Variants in RARB observed in about 807,000 individuals in gnomAD.
The protein encoded by RARB is HBV-activated protein.
Under a neutral mutation model 51.9 loss-of-function variants are expected in RARB, and 17 were observed. The ratio of observed to expected loss-of-function variants is 0.33; its 90% CI spans 0.22 to 0.49. The LOEUF is 0.49. Ranked by LOEUF, RARB falls within the 20% of genes least tolerant of loss-of-function variation. RARB has a pLI of 0.99. For missense variants in RARB, 369 were observed against 550.8 expected, an observed-to-expected ratio of 0.67 and a Z score of 3.30; for synonymous variants, 215 against 195.4, an observed-to-expected ratio of 1.10 and a Z score of -0.84.
At chr3:25,294,066 C>G (rs190696815) in intron 5 of RARB, among the ~76,000 whole-genome samples, 13 of 152,196 alleles carry the variant, frequency 8.5e-5, no homozygotes, top group South Asian at 4.1e-4. Flanking sequence ...AAGGATTCAC[C>G]GAGGAAAATG....
intron 3 of RARB, among the ~76,000 whole-genome samples, chr3:25,548,046 A>G (rs1359403049): frequency 6.6e-5 from 10 of 151,558 alleles, no homozygotes; most frequent in Non-Finnish European, 1.0e-4. Context: ...CTTGAGTGAC[A>G]TAAATCTGTG....
chr3:25,147,158 G>A (rs1326246356), intron 4 of RARB, among the ~76,000 whole-genome samples: 1 of 152,126 alleles, frequency 6.6e-6, no homozygotes, highest in Non-Finnish European at 1.5e-5. Flanking sequence ...GGTATTTTCT[G>A]AAAATTTTGA....
intron 2 of RARB, among the ~76,000 whole-genome samples, chr3:24,945,067 C>T (rs1695745047): frequency 6.6e-6 from 1 of 152,128 alleles, no homozygotes; most frequent in Non-Finnish European, 1.5e-5. Flanking sequence ...TTTTGGGAAA[C>T]AGTGATATAG....
intron 3 of RARB, among the ~76,000 whole-genome samples, chr3:25,548,101 C>CTTTT (rs66817079): frequency 2.4e-5 from 3 of 126,298 alleles, no homozygotes; most frequent in African/African-American, 8.9e-5. Flanking sequence ...ATTCATTTGG[C>CTTTT]TTTTTTTTTT....
At chr3:25,199,058 A>T (rs1031033629) in intron 5 of RARB, among the ~76,000 whole-genome samples, 3 of 152,146 alleles carry the variant, frequency 2.0e-5, no homozygotes, top group African/African-American at 7.2e-5. Context: ...CCATCAGCAG[A>T]TGAATGGATA....
chr3:24,981,292 G>A (rs1696665865), intron 2 of RARB, among the ~76,000 whole-genome samples: 1 of 152,166 alleles, frequency 6.6e-6, no homozygotes, highest in Non-Finnish European at 1.5e-5. Flanking sequence ...GAGAACCACT[G>A]CTCTCTTCAG....
chr3:24,983,794 C>T (rs1051786390), intron 2 of RARB, among the ~76,000 whole-genome samples: 7 of 151,362 alleles, frequency 4.6e-5, no homozygotes, highest in African/African-American at 9.7e-5. Context: ...TGGAAGGGGG[C>T]GATAAGCTTA....
intron 5 of RARB, among the ~76,000 whole-genome samples, chr3:25,350,518 C>T (rs941420374): frequency 4.6e-5 from 7 of 152,196 alleles, no homozygotes; most frequent in Non-Finnish European, 1.0e-4. Context: ...TACTTTATCT[C>T]CCCTTATCCT....
chr3:25,047,910 A>G (rs1437181316), intron 2 of RARB, among the ~76,000 whole-genome samples: 1 of 152,182 alleles, frequency 6.6e-6, no homozygotes, highest in Non-Finnish European at 1.5e-5. Flanking sequence ...AGGACAAAGT[A>G]GAGATAATTG....
intron 3 of RARB, among the ~76,000 whole-genome samples, chr3:25,086,525 A>G (rs1022586807): frequency 5.3e-5 from 8 of 152,212 alleles, no homozygotes; most frequent in Admixed American, 3.9e-4. Flanking sequence ...TTTGAGCCAA[A>G]TATGAGTGAC....
chr3:25,284,287 T>C (rs1224591415), intron 5 of RARB, among the ~76,000 whole-genome samples: 2 of 152,074 alleles, frequency 1.3e-5, no homozygotes, highest in African/African-American at 4.8e-5. Context: ...GACTACAACC[T>C]GTAAGAGACC....
At chr3:25,455,274 T>G (rs1038355445) in intron 1 of RARB, among the ~76,000 whole-genome samples, 2 of 152,222 alleles carry the variant, frequency 1.3e-5, no homozygotes, top group Non-Finnish European at 2.9e-5. Flanking sequence ...CCTTAACTCC[T>G]ATTTCCTGGA....
At position 25,082,706 on chromosome 3, in the gene RARB, C is replaced by T. The variant is rs569624371; in HGVS notation, c.-328+22530C>T. Among the ~76,000 whole-genome samples, 10 of 152,094 alleles carry T rather than the reference C, an allele frequency of 6.6e-5. No individual in the cohort carries two copies. The South Asian group carries it at 1.0e-3, about 16-fold the overall frequency. ...AAGCAAAAAATATTGCTTATGATTACCCACATGTTCATCTTTTCTTGAGCT... is the reference window on the plus strand; with the variant it reads ...AAGCAAAAAATATTGCTTATGATTATCCACATGTTCATCTTTTCTTGAGCT... On this transcript the variant is annotated intron_variant, in intron 3 of 11. Coordinates refer to the RARB transcript ENST00000383772.
chr3:24,967,863 G>C (rs540631854), intron 2 of RARB, among the ~76,000 whole-genome samples: 27 of 152,254 alleles, frequency 1.8e-4, no homozygotes, highest in Non-Finnish European at 3.1e-4. Context: ...GTGAACATGT[G>C]GTTGAATGAC....
At chr3:25,364,489 C>T (rs1222166094) in intron 5 of RARB, among the ~76,000 whole-genome samples, 3 of 152,200 alleles carry the variant, frequency 2.0e-5, no homozygotes, top group African/African-American at 7.2e-5. Context: ...TAAGATTCAT[C>T]ATCCAAGGAC....
chr3:25,328,892 G>A (rs539150300), intron 5 of RARB, among the ~76,000 whole-genome samples: 47 of 152,272 alleles, frequency 3.1e-4, no homozygotes, highest in South Asian at 2.7e-3. Flanking sequence ...TGCCTGGCTC[G>A]GAGGGTCCCA....
intron 5 of RARB, among the ~76,000 whole-genome samples, chr3:25,243,857 A>G (rs922409210): frequency 2.0e-5 from 3 of 151,978 alleles, no homozygotes; most frequent in African/African-American, 4.8e-5. Flanking sequence ...TTCTTTTTCT[A>G]TTGTTTGAAA....
chr3:25,411,820 A>G (rs1707569642), intron 5 of RARB, among the ~76,000 whole-genome samples: 1 of 152,204 alleles, frequency 6.6e-6, no homozygotes, highest in South Asian at 2.1e-4. Flanking sequence ...AGAAAGTCCC[A>G]GACTACCCAA....
chr3:24,857,966 G>A (rs1238041559), intron 1 of RARB, among the ~76,000 whole-genome samples: 1 of 152,054 alleles, frequency 6.6e-6, no homozygotes, highest in African/African-American at 2.4e-5. Context: ...TTGTTGTAAT[G>A]GTTAAACTTT....
Sources: allele counts gnomAD v4.1 joint callset (sites outside exome capture counted in the v4.1 genomes callset), GRCh38; gene constraint gnomAD v4.1.1; transcripts MANE v1.5; gene names NCBI Gene and HGNC (gene_info 2026-07-23, HGNC 2026-07-21).